The following HS6ST2 variants were observed in gnomAD, a reference collection of about 807,000 sequenced individuals.
The protein encoded by HS6ST2 is heparan-sulfate 6-O-sulfotransferase 2.
A neutral mutation model predicts 33.0 loss-of-function variants in HS6ST2; 17 were observed. The ratio of observed to expected loss-of-function variants is 0.52; its 90% confidence interval spans 0.35 to 0.77. The LOEUF is 0.77. Among genes scored for constraint, HS6ST2 ranks in the 30% least tolerant of loss-of-function variants. HS6ST2 has a pLI of 0.01. For synonymous variants in HS6ST2, 248 were observed against 237.1 expected, an observed-to-expected ratio of 1.05 and a Z score of -0.42; for missense variants, 519 against 551.7, an observed-to-expected ratio of 0.94 and a Z score of 0.59.
chrX:132,953,923 C>T (rs965956470), intron 2 of HS6ST2, among the ~76,000 whole-genome samples: 1 of 112,253 alleles, frequency 8.9e-6, no homozygotes, highest in Admixed American at 9.4e-5. Context: ...TTGCAAAAAA[C>T]CCTTGTTCAT....
At chrX:132,943,247 T>G (rs918781459) in intron 2 of HS6ST2, among the ~76,000 whole-genome samples, 5 of 111,592 alleles carry the variant, frequency 4.5e-5, no homozygotes, top group African/African-American at 1.6e-4. Flanking sequence ...AAGAAAAAGG[T>G]TTTTGGAGAT....
chrX:132,797,299 T>C (rs2065190906), intron 2 of HS6ST2, among the ~76,000 whole-genome samples: 1 of 111,324 alleles, frequency 9.0e-6, no homozygotes, highest in South Asian at 3.8e-4. Flanking sequence ...AGTCATAGGG[T>C]TGGAAGCTGC....
At chrX:132,925,842 C>T (rs1278947652) in intron 2 of HS6ST2, among the ~76,000 whole-genome samples, 2 of 111,892 alleles carry the variant, frequency 1.8e-5, no homozygotes, top group East Asian at 2.8e-4. Flanking sequence ...GCAACTTATA[C>T]GTTATAAAGC....
At chrX:132,804,985 T>A (rs2065267602) in intron 2 of HS6ST2, among the ~76,000 whole-genome samples, 1 of 111,295 alleles carries the variant, frequency 9.0e-6, no homozygotes, top group African/African-American at 3.3e-5. Context: ...GAAATTCTGA[T>A]ATATATACAT....
chrX:132,863,166 T>C (rs1433573707), intron 2 of HS6ST2, among the ~76,000 whole-genome samples: 2 of 112,109 alleles, frequency 1.8e-5, no homozygotes, highest in African/African-American at 6.5e-5. Context: ...TGTCTGTAAT[T>C]TGGTGTCTTG....
intron 2 of HS6ST2, among the ~76,000 whole-genome samples, chrX:132,901,802 A>G (rs1266402164): frequency 9.0e-6 from 1 of 111,294 alleles, no homozygotes; most frequent in Non-Finnish European, 1.9e-5. Flanking sequence ...TCCCAAGCAA[A>G]CAGTACACAG....
intron 2 of HS6ST2, among the ~76,000 whole-genome samples, chrX:132,914,199 T>C (rs1376774875): frequency 8.9e-6 from 1 of 112,590 alleles, no homozygotes; most frequent in Non-Finnish European, 1.9e-5. Flanking sequence ...GAGAAAAAGA[T>C]TAAGGTGTCA....
chrX:132,865,223 C>T (rs1339326455), intron 2 of HS6ST2, among the ~76,000 whole-genome samples: 30 of 104,771 alleles, frequency 2.9e-4, no homozygotes, highest in African/African-American at 9.0e-4. Context: ...TGAGAATATG[C>T]GGTGTTTGGT....
At chrX:132,821,865 C>T (rs762803351) in intron 2 of HS6ST2, among the ~76,000 whole-genome samples, 2 of 110,603 alleles carry the variant, frequency 1.8e-5, no homozygotes, top group East Asian at 5.8e-4. Context: ...GTGGCATGCG[C>T]CTGTAATCCC....
At chrX:132,957,435 C>T (rs2067094462) in intron 1 of HS6ST2, 109 bp from the exon 2 acceptor site, 2 of 851,977 alleles carry the variant, frequency 2.3e-6, no homozygotes, top group Non-Finnish European at 3.2e-6. Context: ...CTCTCCCCCT[C>T]CCCTCCGCAC....
chrX:132,773,261 A>G (rs2064925647), intron 2 of HS6ST2, among the ~76,000 whole-genome samples: 2 of 104,454 alleles, frequency 1.9e-5, no homozygotes, highest in Non-Finnish European at 3.9e-5. Flanking sequence ...TATATTTATA[A>G]TCCAAAAGTC....
intron 2 of HS6ST2, among the ~76,000 whole-genome samples, chrX:132,886,510 A>AATT: frequency 9.0e-6 from 1 of 111,550 alleles, no homozygotes; most frequent in Admixed American, 9.6e-5. Context: ...GGAGTAAAAG[A>AATT]ATTTGAAGAA....
At chrX:132,863,674 G>A (rs2065936410) in intron 2 of HS6ST2, among the ~76,000 whole-genome samples, 1 of 110,555 alleles carries the variant, frequency 9.0e-6, no homozygotes. Flanking sequence ...CTCTGGGTGA[G>A]CTGATGAAAC....
intron 2 of HS6ST2, among the ~76,000 whole-genome samples, chrX:132,838,736 C>T (rs936374393): frequency 3.6e-5 from 4 of 109,739 alleles, no homozygotes; most frequent in African/African-American, 1.3e-4. Context: ...TTGTAAATGA[C>T]AAGTCAAGTG....
chrX:132,822,346 C>T (rs949646738), intron 2 of HS6ST2, among the ~76,000 whole-genome samples: 4 of 111,037 alleles, frequency 3.6e-5, no homozygotes, highest in African/African-American at 9.8e-5. Flanking sequence ...GAGAGGACAC[C>T]CTCTCTGATA....
chrX:132,802,391 G>T (rs920224573), intron 2 of HS6ST2, among the ~76,000 whole-genome samples: 2 of 111,751 alleles, frequency 1.8e-5, no homozygotes, highest in Admixed American at 9.6e-5. Context: ...AGAGAAGCCC[G>T]GATGCATCTT....
chrX:132,670,336 AAAGATATTC>A (rs2063857429), intron 3 of HS6ST2, among the ~76,000 whole-genome samples: 1 of 111,818 alleles, frequency 8.9e-6, no homozygotes, highest in Non-Finnish European at 1.9e-5. Context: ...GGGGGTCACA[AAAGATATTC>A]TGCCATGCAC....
intron 2 of HS6ST2, among the ~76,000 whole-genome samples, chrX:132,944,115 G>A (rs772187404): frequency 8.1e-5 from 9 of 111,563 alleles, no homozygotes; most frequent in African/African-American, 2.9e-4. Flanking sequence ...AAACCCCATC[G>A]TCTCAGCCCA....
At chrX:132,800,180 T>C (rs1422139818) in intron 2 of HS6ST2, among the ~76,000 whole-genome samples, 1 of 111,944 alleles carries the variant, frequency 8.9e-6, no homozygotes, top group East Asian at 2.8e-4. Context: ...CATTACTGCC[T>C]GAGCTCTGTT....
Sources: allele counts gnomAD v4.1 joint callset (sites outside exome capture counted in the v4.1 genomes callset), GRCh38; gene constraint gnomAD v4.1.1; transcripts MANE v1.5; gene names NCBI Gene and HGNC (gene_info 2026-07-23, HGNC 2026-07-21).